FMNL2: variants seen among roughly 807,000 people sequenced by gnomAD.
FMNL2 encodes the protein formin like 2, also known as formin-like protein 2.
A neutral mutation model predicts 130.2 loss-of-function variants in FMNL2; 51 were observed. The observed-to-expected ratio is 0.39, with a 90% confidence interval of 0.31 to 0.49. The LOEUF (loss-of-function observed/expected upper bound fraction) is 0.49. Among genes scored for constraint, FMNL2 ranks in the 20% least tolerant of loss-of-function variants. The pLI is 0.85. For synonymous variants in FMNL2, 465 were observed against 467.1 expected, an observed-to-expected ratio of 1.00 and a Z score of 0.06; for missense variants, 977 against 1,316.2, an observed-to-expected ratio of 0.74 and a Z score of 3.99.
At chr2:152,456,197 G>T (rs1249762746) in intron 1 of FMNL2, among the ~76,000 whole-genome samples, 1 of 152,164 alleles carries the variant, frequency 6.6e-6, no homozygotes, top group African/African-American at 2.4e-5. Flanking sequence ...CTCTTATTTT[G>T]ATCAAATTTT....
chr2:152,596,377 T>C (rs867951755), intron 9 of FMNL2, among the ~76,000 whole-genome samples: 4 of 152,236 alleles, frequency 2.6e-5, no homozygotes, highest in Admixed American at 1.3e-4. Context: ...TTAGTAGTTC[T>C]TTGTATGGTA....
At chr2:152,380,098 A>G (rs1684380692) in intron 1 of FMNL2, among the ~76,000 whole-genome samples, 1 of 152,210 alleles carries the variant, frequency 6.6e-6, no homozygotes, top group Non-Finnish European at 1.5e-5. Context: ...TGCTATTTTT[A>G]TAGCATTCAT....
intron 1 of FMNL2, among the ~76,000 whole-genome samples, chr2:152,375,695 C>T (rs1684113560): frequency 6.6e-6 from 1 of 151,936 alleles, no homozygotes; most frequent in East Asian, 1.9e-4. Context: ...GGGAAGACTC[C>T]TTGAAAACAT....
At chr2:152,625,615 G>T in intron 16 of FMNL2, 53 bp downstream of exon 16, 1 of 1,549,332 alleles carries the variant, frequency 6.5e-7, no homozygotes. Flanking sequence ...AGCAAAGCCG[G>T]CATGGGTGTT....
chr2:152,602,925 C>T (rs1698163544), intron 9 of FMNL2, among the ~76,000 whole-genome samples: 1 of 152,224 alleles, frequency 6.6e-6, no homozygotes. Flanking sequence ...TCCTGTTTCA[C>T]CCAGTGCGTG....
intron 1 of FMNL2, among the ~76,000 whole-genome samples, chr2:152,434,596 T>A (rs1579654828): frequency 1.3e-5 from 2 of 151,972 alleles, no homozygotes. Context: ...TAAGGCAGGG[T>A]GCTGTGGTGG....
At chr2:152,638,743 G>A (rs1445564625) in intron 23 of FMNL2, among the ~76,000 whole-genome samples, 1 of 152,222 alleles carries the variant, frequency 6.6e-6, no homozygotes, top group South Asian at 2.1e-4. Flanking sequence ...GCTGCCGTCT[G>A]CAGTGCTTGG....
chr2:152,647,698 C>A, intron 25 of FMNL2, 98 bp from the exon 26 acceptor site: 3 of 1,135,806 alleles, frequency 2.6e-6, no homozygotes, highest in Non-Finnish European at 4.0e-6. Flanking sequence ...GACTTTTCTA[C>A]ACAAGCTGCT....
chr2:152,612,632 T>C (rs1698746196), intron 11 of FMNL2, among the ~76,000 whole-genome samples: 1 of 152,212 alleles, frequency 6.6e-6, no homozygotes, highest in Admixed American at 6.5e-5. Flanking sequence ...TTCCTTTTTT[T>C]TGAGACAGGG....
chr2:152,512,951 G>A lies in FMNL2; in HGVS notation c.118-8992G>A, dbSNP rs562845476. On this transcript the variant is annotated intron_variant, in intron 1 of 25. Transcript: ENST00000288670. Reference sequence around the variant, plus strand: ...ATTTGATCTTCTGAAACTTCTGTATGTGTATTCACACACGTGCACAAACAC... The same window carrying A: ...ATTTGATCTTCTGAAACTTCTGTATATGTATTCACACACGTGCACAAACAC... Among the ~76,000 whole-genome samples, 6 of 152,320 alleles carry A rather than the reference G, an allele frequency of 3.9e-5. No individual in the cohort carries two copies. The South Asian group carries it at 8.3e-4, about 21-fold the overall frequency.
chr2:152,385,885 T>G (rs1684754704), intron 1 of FMNL2, among the ~76,000 whole-genome samples: 1 of 152,222 alleles, frequency 6.6e-6, no homozygotes, highest in African/African-American at 2.4e-5. Context: ...TGAAAATGCT[T>G]GAGCAGGTTG....
intron 1 of FMNL2, among the ~76,000 whole-genome samples, chr2:152,521,349 A>G (rs1319045932): frequency 6.6e-6 from 1 of 152,190 alleles, no homozygotes; most frequent in Non-Finnish European, 1.5e-5. Flanking sequence ...TCCTACTGCA[A>G]ACTCACCTTC....
At chr2:152,608,197 C>T (rs560139516) in intron 10 of FMNL2, among the ~76,000 whole-genome samples, 19 of 152,116 alleles carry the variant, frequency 1.2e-4, no homozygotes, top group East Asian at 1.9e-4. Context: ...AGATCCTAAC[C>T]GGGCTGTAAT....
At position 152,614,868 on chromosome 2, in the gene FMNL2, G is replaced by A; in HGVS notation, c.1080G>A (p.Glu360=). 6.2e-7 allele frequency: 1 copy of A among 1,611,974 alleles called. No homozygotes were observed. The highest frequency in any genetic ancestry group is 1.3e-5 in the African/African-American group (1 of 74,888). The change falls in exon 12 of 26, where the codon GAG becomes GAA. Residue 360 remains glutamate (E), a synonymous_variant. Transcript: ENST00000288670. ...DEYLDKLKHT[E]SDKLQVQIQA... is the part of the protein sequence containing the mutation. ...GTTTTTAGAAGCTGAAACACACTGA[G>A]AGTGACAAGCTTCAAGTCCAGATCC...
chr2:152,357,823 A>G (rs75288263), intron 1 of FMNL2, among the ~76,000 whole-genome samples: 9,790 of 152,324 alleles, frequency 0.064, 625 homozygotes, highest in African/African-American at 0.16. Flanking sequence ...TAATGGTTCA[A>G]TGGTCAATAA....
intron 7 of FMNL2, 86 bp from the exon 8 acceptor site, chr2:152,578,802 G>T: frequency 2.8e-6 from 3 of 1,064,764 alleles, no homozygotes; most frequent in Non-Finnish European, 4.1e-6. Flanking sequence ...AGATACTTCG[G>T]GTTTTTGGTT....
At chr2:152,412,453 TATATATATATATATA>T (rs1558840805) in intron 1 of FMNL2, among the ~76,000 whole-genome samples, 4 of 7,118 alleles carry the variant, frequency 5.6e-4, no homozygotes, top group African/African-American at 1.8e-3. Context: ...ATTTTATATA[TATATATATATATATA>T]TATATATATA....
chr2:152,475,010 G>A (rs919762303), intron 1 of FMNL2, among the ~76,000 whole-genome samples: 10 of 152,200 alleles, frequency 6.6e-5, no homozygotes, highest in African/African-American at 2.4e-4. Flanking sequence ...CAAGGTCTAA[G>A]TGACTGTGGG....
intron 2 of FMNL2, 44 bp downstream of exon 2, chr2:152,522,070 G>T: frequency 6.7e-7 from 1 of 1,491,648 alleles, no homozygotes; most frequent in Non-Finnish European, 9.3e-7. Flanking sequence ...AGTAATGAAA[G>T]AAGAGATCCA....
Sources: allele counts gnomAD v4.1 joint callset (sites outside exome capture counted in the v4.1 genomes callset), GRCh38; gene constraint gnomAD v4.1.1; transcripts MANE v1.5; gene names NCBI Gene and HGNC (gene_info 2026-07-23, HGNC 2026-07-21).